The following ZNF83 variants were observed in gnomAD, a reference collection of about 807,000 sequenced individuals.
ZNF83 encodes zinc finger protein 83.
For synonymous variants in ZNF83, 209 were observed against 213.0 expected, an observed-to-expected ratio of 0.98 and a Z score of 0.17; for missense variants, 552 against 629.9, an observed-to-expected ratio of 0.88 and a Z score of 1.32.
intron 3 of ZNF83, among the ~76,000 whole-genome samples, chr19:52,647,318 A>G (rs1350560667): frequency 6.6e-6 from 1 of 152,218 alleles, no homozygotes; most frequent in East Asian, 1.9e-4. Context: ...GTATAATTTA[A>G]ATAATTTATT....
chr19:52,668,646 G>A (rs1285278674), intron 1 of ZNF83, among the ~76,000 whole-genome samples: 2 of 152,124 alleles, frequency 1.3e-5, no homozygotes, highest in Non-Finnish European at 2.9e-5. Context: ...AGAAATAGGA[G>A]ACCTAAGGCA....
At chr19:52,681,520 G>A (rs1427820801) in intron 1 of ZNF83, among the ~76,000 whole-genome samples, 1 of 152,102 alleles carries the variant, frequency 6.6e-6, no homozygotes, top group African/African-American at 2.4e-5. Context: ...GCTATACACT[G>A]TTCTAAGTGC....
chr19:52,666,239 AAGAG>A (rs1333842570), intron 1 of ZNF83, among the ~76,000 whole-genome samples: 2 of 151,896 alleles, frequency 1.3e-5, no homozygotes, highest in African/African-American at 4.8e-5. Flanking sequence ...AAGGGAGTCA[AAGAG>A]AGAGGGAGAA....
At chr19:52,682,940 G>A (rs750568396) in intron 1 of ZNF83, among the ~76,000 whole-genome samples, 2 of 151,922 alleles carry the variant, frequency 1.3e-5, no homozygotes, top group Non-Finnish European at 2.9e-5. Context: ...GCACCATCTC[G>A]GATTACTGCA....
At chr19:52,622,799 G>A (rs941033931) in intron 2 of ZNF83, among the ~76,000 whole-genome samples, 1 of 151,986 alleles carries the variant, frequency 6.6e-6, no homozygotes, top group African/African-American at 2.4e-5. Context: ...TTCAAAAATT[G>A]GAATCCAGTC....
intron 1 of ZNF83, among the ~76,000 whole-genome samples, chr19:52,666,217 C>A (rs1417836004): frequency 6.8e-6 from 1 of 146,766 alleles, no homozygotes. Context: ...GAGAAAGAGA[C>A]AGAGAGACAA....
chr19:52,643,631 G>A (rs1312999067), intron 3 of ZNF83, among the ~76,000 whole-genome samples: 1 of 152,084 alleles, frequency 6.6e-6, no homozygotes, highest in East Asian at 1.9e-4. Context: ...AACCTGGGAG[G>A]TGGAGGTTGT....
At chr19:52,638,372 G>C (rs657259), upstream of ZNF83, 1 of 152,026 alleles carries the variant, frequency 6.6e-6, no homozygotes, top group Admixed American at 6.5e-5. Flanking sequence ...ATGTGCGCGC[G>C]CAGTACAGAA....
At chr19:52,671,481 T>A (rs1468787985) in intron 1 of ZNF83, among the ~76,000 whole-genome samples, 1 of 152,092 alleles carries the variant, frequency 6.6e-6, no homozygotes, top group African/African-American at 2.4e-5. Context: ...CCTAGTTCTG[T>A]CACCCCGGCT....
intron 1 of ZNF83, among the ~76,000 whole-genome samples, chr19:52,680,772 C>T (rs1043956226): frequency 5.5e-5 from 8 of 146,030 alleles, no homozygotes; most frequent in Non-Finnish European, 1.2e-4. Context: ...GCCACTACGC[C>T]CGGCTAATTT....
At chr19:52,641,095 A>AGG (rs2061298500), upstream of ZNF83, among the ~76,000 whole-genome samples, 2 of 144,746 alleles carry the variant, frequency 1.4e-5, no homozygotes, top group Non-Finnish European at 3.0e-5. Flanking sequence ...CAAGATGACG[A>AGG]TAACCCTCTG....
At chr19:52,684,166 T>G (rs1002415485) in intron 1 of ZNF83, among the ~76,000 whole-genome samples, 9 of 151,932 alleles carry the variant, frequency 5.9e-5, no homozygotes, top group African/African-American at 2.2e-4. Context: ...GTCAGGAGTT[T>G]GAGACCAGCC....
At position 52,687,633 on chromosome 19, in the gene ZNF83, GTATATA is replaced by G. The variant is rs35612737; in HGVS notation, c.-283+2804_-283+2809del. Among the ~76,000 whole-genome samples the G allele has an allele frequency of 3.2e-4, 9 of 27,828 alleles. 1 individual carries two copies. Among genetic ancestry groups the G allele is most frequent in the Middle Eastern group, 0.04 (2 of 50 alleles). The allele number at this position is 27,828 out of a possible 152,430, so 18.3% of individuals were successfully genotyped here. A position where few individuals can be genotyped will look rare whatever the true frequency, so the allele number is the denominator to read the frequency against. On this transcript the variant is annotated intron_variant, in intron 1 of 5. Coordinates refer to the ZNF83 transcript ENST00000594682. ...TATAATGTGTATATATATATATAAT[GTATATA>G]TATATATATATATATATAATGTATA...
At chr19:52,641,737 G>A (rs576510937), upstream of ZNF83, among the ~76,000 whole-genome samples, 174 of 152,044 alleles carry the variant, frequency 1.1e-3, 1 homozygote, top group South Asian at 0.011. Flanking sequence ...GTATCTAACA[G>A]GTCTCAATCA....
At chr19:52,670,764 C>A (rs906866937) in intron 1 of ZNF83, among the ~76,000 whole-genome samples, 1 of 152,138 alleles carries the variant, frequency 6.6e-6, no homozygotes, top group Non-Finnish European at 1.5e-5. Context: ...TTAAAAGATG[C>A]ATTAATTTTG....
Position 52,613,420 on chromosome 19 carries a change from A to C in ZNF83, c.1145T>G (p.Phe382Cys), listed in dbSNP as rs2060177998. 1 of 1,613,738 alleles carries C rather than the reference A, an allele frequency of 6.2e-7. No individual in the cohort carries two copies. ...TTGTACAAGATGTGAATTTTGACTG[A>C]ATGCTTTGTCACATTCATCACACTT... The change falls in exon 3 of 3, where the codon TTC becomes TGC. Residue 382 changes from phenylalanine (F) to cysteine (C), a missense_variant. By Grantham distance (205) the Phe-to-Cys change is radical (BLOSUM62 -2). Coordinates refer to ENST00000301096, the Ensembl canonical transcript of ZNF83.
In ZNF83 at chr19:52,646,605, GAAGA is replaced by G. The variant is rs1358645957; in HGVS notation, c.-74+8952_-74+8955del. On this transcript the variant is annotated intron_variant, in intron 3 of 5. Coordinates refer to the ZNF83 transcript ENST00000594682. Reference sequence around the variant, plus strand: ...AAGTATTATTGAGGCAGAAATTAAAGAAGAAAGCAAATTTTCCTCTGCTGAGCTC... The same window carrying G: ...AAGTATTATTGAGGCAGAAATTAAAGAAGCAAATTTTCCTCTGCTGAGCTC... 5.3e-5 allele frequency among the ~76,000 whole-genome samples: 8 copies of G among 152,234 alleles called. No homozygotes were observed. The South Asian group carries it at 1.5e-3, about 28-fold the overall frequency.
chr19:52,689,048 G>C (rs1349056223), intron 1 of ZNF83, among the ~76,000 whole-genome samples: 3 of 151,580 alleles, frequency 2.0e-5, no homozygotes, highest in Non-Finnish European at 2.9e-5. Flanking sequence ...TCTGTATTTA[G>C]TCAGTTCTTG....
intron 1 of ZNF83, among the ~76,000 whole-genome samples, chr19:52,690,132 G>A (rs990920428): frequency 4.6e-5 from 7 of 151,836 alleles, no homozygotes; most frequent in Non-Finnish European, 2.9e-5. Context: ...CACTTCGCGG[G>A]TGAGGACGTT....
Sources: gnomAD v4.1 joint callset for allele counts (sites outside exome capture counted in the v4.1 genomes callset) on GRCh38, gnomAD v4.1.1 for gene constraint, MANE v1.5 for transcripts, NCBI Gene and HGNC (gene_info 2026-07-23, HGNC 2026-07-21) for gene names.